The following MAST4 variants were observed in gnomAD, a reference collection of about 807,000 sequenced individuals.
MAST4 encodes microtubule-associated serine/threonine-protein kinase 4.
MAST4 carries 89 observed loss-of-function variants against 162.7 expected under a neutral mutation model. The ratio of observed to expected loss-of-function variants is 0.55; its 90% confidence interval spans 0.46 to 0.65. The LOEUF (loss-of-function observed/expected upper bound fraction) is 0.65, where lower values mean the gene tolerates loss of function less well. Among genes scored for constraint, MAST4 ranks in the 30% least tolerant of loss-of-function variants. MAST4 has a pLI of 0.00. For missense variants in MAST4, 3,153 were observed against 3,374.0 expected, an observed-to-expected ratio of 0.93 and a Z score of 1.62; for synonymous variants, 1,479 against 1,361.1, an observed-to-expected ratio of 1.09 and a Z score of -1.91.
intron 4 of MAST4, among the ~76,000 whole-genome samples, chr5:67,024,334 T>TAC (rs545603018): frequency 0.014 from 1,895 of 133,296 alleles, 36 homozygotes; most frequent in African/African-American, 0.061. Flanking sequence ...TCTATATATA[T>TAC]ATACACACAC....
intron 3 of MAST4, among the ~76,000 whole-genome samples, chr5:66,884,606 TA>T (rs1289532981): frequency 1.3e-5 from 2 of 152,216 alleles, no homozygotes; most frequent in African/African-American, 4.8e-5. Context: ...CTCCTCATTG[TA>T]AGTGTTAATG....
At chr5:66,604,488 A>G (rs1219604471) in intron 1 of MAST4, among the ~76,000 whole-genome samples, 1 of 152,246 alleles carries the variant, frequency 6.6e-6, no homozygotes, top group Non-Finnish European at 1.5e-5. Context: ...CTAATTTTAT[A>G]GGCTATCATG....
intron 1 of MAST4, among the ~76,000 whole-genome samples, chr5:66,601,883 G>C (rs1207596415): frequency 2.0e-5 from 3 of 152,140 alleles, no homozygotes; most frequent in Non-Finnish European, 2.9e-5. Flanking sequence ...TGTTGATATA[G>C]CCTAATCGTT....
At position 66,879,345 on chromosome 5, in the gene MAST4, T is replaced by TAC. The variant is rs372860024; in HGVS notation, c.643-20590_643-20589dup. On this transcript the variant is annotated intron_variant, in intron 3 of 28. Coordinates refer to ENST00000403625, the MANE Select transcript of MAST4 (RefSeq NM_001164664.2). ...ATATATTTTATGTGTTTAAAATATA[T>TAC]ACACACACACACACACATATATATA... Among the ~76,000 whole-genome samples the TAC allele has an allele frequency of 4.6e-3, 619 of 133,528 alleles. 4 individuals carry two copies. Among genetic ancestry groups the TAC allele is most frequent in the South Asian group, 8.5e-3 (39 of 4,590 alleles). 87.6% of individuals were successfully genotyped at this position (133,528 alleles called of 152,430 possible). A position where few individuals can be genotyped will look rare whatever the true frequency, so the allele number is the denominator to read the frequency against.
chr5:66,854,587 C>A (rs1759539301), intron 3 of MAST4, among the ~76,000 whole-genome samples: 1 of 152,142 alleles, frequency 6.6e-6, no homozygotes, highest in African/African-American at 2.4e-5. Context: ...TGACAACTCA[C>A]TTCCATCAGA....
chr5:66,640,284 T>C (rs973170284), intron 1 of MAST4, among the ~76,000 whole-genome samples: 13 of 152,050 alleles, frequency 8.5e-5, no homozygotes, highest in African/African-American at 3.1e-4. Flanking sequence ...TTTGTGTAGA[T>C]AGATGGATAT....
chr5:67,085,581 C>G lies in MAST4; in HGVS notation c.764-4581C>G, dbSNP rs192240703. ...CAGGGAGCCCAGATTATAAGAAAGC[C>G]TTGATTCATTGTGTATAATTCTGTC... On this transcript the variant is annotated intron_variant, in intron 5 of 28. Transcript: ENST00000403625. Among the ~76,000 whole-genome samples, 308 of 152,258 alleles carry G rather than the reference C, an allele frequency of 2.0e-3. 2 individuals are homozygous for G. The highest frequency in any genetic ancestry group is 6.8e-3 in the African/African-American group (284 of 41,552).
chr5:66,984,598 T>C (rs17218390), intron 4 of MAST4, among the ~76,000 whole-genome samples: 32,646 of 152,164 alleles, frequency 0.21, 3,930 homozygotes, highest in Non-Finnish European at 0.27. Context: ...CCCTGGTTTC[T>C]GTGTAGAGGG....
At chr5:66,690,565 C>T (rs188850818) in intron 1 of MAST4, among the ~76,000 whole-genome samples, 1 of 152,294 alleles carries the variant, frequency 6.6e-6, no homozygotes, top group East Asian at 1.9e-4. Context: ...TTCTGAATGA[C>T]CCTATGTTCC....
At chr5:66,805,859 T>G (rs1383926740) in intron 3 of MAST4, among the ~76,000 whole-genome samples, 1 of 152,208 alleles carries the variant, frequency 6.6e-6, no homozygotes, top group African/African-American at 2.4e-5. Context: ...CAGATCTTCT[T>G]TCGACGTGGA....
At chr5:66,718,445 G>T (rs1415236285) in intron 1 of MAST4, among the ~76,000 whole-genome samples, 1 of 152,038 alleles carries the variant, frequency 6.6e-6, no homozygotes, top group Admixed American at 6.5e-5. Context: ...CAGTTCAGGT[G>T]CCCAGGAGAG....
chr5:66,696,406 G>A (rs1354764950), intron 1 of MAST4, among the ~76,000 whole-genome samples: 1 of 151,416 alleles, frequency 6.6e-6, no homozygotes, highest in Non-Finnish European at 1.5e-5. Context: ...TTAGGCTTTA[G>A]CACCTCCTAC....
intron 27 of MAST4, 92 bp downstream of exon 27, chr5:67,160,684 C>T: frequency 7.2e-7 from 1 of 1,394,022 alleles, no homozygotes; most frequent in South Asian, 1.5e-5. Flanking sequence ...TGAAGAAGAT[C>T]TATTTTTCTG....
chr5:67,081,021 ATATAT>A (rs1762557179), intron 5 of MAST4, among the ~76,000 whole-genome samples: 1 of 136,146 alleles, frequency 7.3e-6, no homozygotes, highest in South Asian at 2.2e-4. Flanking sequence ...ATATAATTGT[ATATAT>A]TATATAATAT....
At chr5:67,038,218 C>T (rs1259292509) in intron 4 of MAST4, among the ~76,000 whole-genome samples, 1 of 144,038 alleles carries the variant, frequency 6.9e-6, no homozygotes, top group Non-Finnish European at 1.5e-5. Flanking sequence ...GCTGCTTTAT[C>T]TTTATTTTTG....
intron 10 of MAST4, 87 bp from the exon 11 acceptor site, chr5:67,110,011 A>G (rs1035539071): frequency 1.3e-5 from 12 of 891,448 alleles, no homozygotes; most frequent in South Asian, 1.3e-4. Flanking sequence ...AACATTTGCA[A>G]TGATCTAATT....
chr5:67,071,714 C>A (rs527921250), intron 5 of MAST4, among the ~76,000 whole-genome samples: 4 of 152,256 alleles, frequency 2.6e-5, no homozygotes, highest in African/African-American at 9.6e-5. Flanking sequence ...GAGCCGAGAT[C>A]GTGCTGCTGC....
At chr5:66,958,646 C>T (rs1193418965) in intron 4 of MAST4, among the ~76,000 whole-genome samples, 1 of 152,132 alleles carries the variant, frequency 6.6e-6, no homozygotes, top group Non-Finnish European at 1.5e-5. Flanking sequence ...GTTTATTCCT[C>T]GTTCTGATGA....
chr5:66,764,670 G>T (rs934718008), intron 2 of MAST4, among the ~76,000 whole-genome samples: 1 of 152,028 alleles, frequency 6.6e-6, no homozygotes, highest in South Asian at 2.1e-4. Flanking sequence ...AAAGCTTATA[G>T]AATAAGGATA....
Sources: gnomAD v4.1 joint callset for allele counts (sites outside exome capture counted in the v4.1 genomes callset) on GRCh38, gnomAD v4.1.1 for gene constraint, MANE v1.5 for transcripts, NCBI Gene and HGNC (gene_info 2026-07-23, HGNC 2026-07-21) for gene names.